Variants in GABRB2 observed in about 807,000 individuals in gnomAD.
GABRB2 encodes the protein gamma-aminobutyric acid type A receptor subunit beta2, also known as gamma-aminobutyric acid receptor subunit beta-2.
A neutral mutation model predicts 54.7 loss-of-function variants in GABRB2; 16 were observed. The ratio of observed to expected loss-of-function variants is 0.29; its 90% CI spans 0.20 to 0.44. The LOEUF (loss-of-function observed/expected upper bound fraction) is 0.44. Among genes scored for constraint, GABRB2 ranks in the 20% least tolerant of loss-of-function variants. GABRB2 has a pLI of 1.00. For missense variants in GABRB2, 355 were observed against 644.0 expected, an observed-to-expected ratio of 0.55 and a Z score of 4.86; for synonymous variants, 244 against 233.8, an observed-to-expected ratio of 1.04 and a Z score of -0.40.
chr5:161,488,135 G>T (rs973473426), intron 3 of GABRB2, among the ~76,000 whole-genome samples: 3 of 151,660 alleles, frequency 2.0e-5, no homozygotes, highest in African/African-American at 7.3e-5. Context: ...CTGCTTCAAG[G>T]GTCAAAATGA....
intron 5 of GABRB2, among the ~76,000 whole-genome samples, chr5:161,344,182 A>T (rs145425029): frequency 5.7e-4 from 87 of 152,222 alleles, no homozygotes; most frequent in African/African-American, 2.0e-3. Context: ...CTCCAGCATT[A>T]AAATATTTTT....
rs570779436 is a variant in GABRB2 at position 161,309,911 on chromosome 5, T to G, written c.1192-15483A>C. On this transcript the variant is annotated intron_variant, in intron 9 of 9. Coordinates refer to ENST00000393959, the MANE Select transcript of GABRB2 (RefSeq NM_001371727.1). Reference sequence around the variant, plus strand: ...CTCCCAAAGTGCTGGGATTACAGGCTTGAGCCACCGCGCCTGGCCCTAAAT... The same window carrying G: ...CTCCCAAAGTGCTGGGATTACAGGCGTGAGCCACCGCGCCTGGCCCTAAAT... 4.0e-5 allele frequency among the ~76,000 whole-genome samples: 6 copies of G among 151,672 alleles called. No individual in the cohort carries two copies. In the South Asian group the frequency reaches 1.2e-3, roughly 32 times the overall value.
intron 5 of GABRB2, among the ~76,000 whole-genome samples, chr5:161,408,849 G>A (rs1561640102): frequency 2.0e-5 from 3 of 151,898 alleles, no homozygotes; most frequent in Non-Finnish European, 2.9e-5. Flanking sequence ...AATGCCTAGG[G>A]TATGATTAAA....
intron 4 of GABRB2, among the ~76,000 whole-genome samples, chr5:161,455,119 G>A (rs1221576085): frequency 2.6e-5 from 4 of 152,192 alleles, no homozygotes. Context: ...CTGAGCAGCT[G>A]GTGTGCATGC....
intron 3 of GABRB2, among the ~76,000 whole-genome samples, chr5:161,509,569 C>G (rs1169994773): frequency 6.6e-6 from 1 of 151,952 alleles, no homozygotes; most frequent in African/African-American, 2.4e-5. Flanking sequence ...GATTTCTGTA[C>G]TCATGGCACT....
At chr5:161,471,755 C>A (rs1394058466) in intron 3 of GABRB2, among the ~76,000 whole-genome samples, 1 of 151,966 alleles carries the variant, frequency 6.6e-6, no homozygotes, top group Non-Finnish European at 1.5e-5. Context: ...GGACTCAGTT[C>A]ACCTTGAGAT....
intron 5 of GABRB2, among the ~76,000 whole-genome samples, chr5:161,388,060 T>C (rs1395476639): frequency 6.6e-6 from 1 of 152,126 alleles, no homozygotes; most frequent in Non-Finnish European, 1.5e-5. Context: ...ACATGTATCT[T>C]TCAATTCCAA....
chr5:161,489,988 T>C (rs2113349877), intron 3 of GABRB2, among the ~76,000 whole-genome samples: 1 of 151,806 alleles, frequency 6.6e-6, no homozygotes, highest in Admixed American at 6.6e-5. Flanking sequence ...ATTTCTGTAG[T>C]TAAGTCAGAA....
Position 161,294,145 on chromosome 5 carries a change from C to A in GABRB2, c.1475G>T (p.Arg492Leu). The A allele has an allele frequency of 6.2e-7, 1 of 1,613,892 alleles. No individual in the cohort carries two copies. Among genetic ancestry groups the A allele is most frequent in the Non-Finnish European group, 8.5e-7 (1 of 1,179,924 alleles). ...GGAAAAAACCACTGGGAAGAATATGCGGGACCACCGATCTATGGCATTCAC... is the reference window on the plus strand; with the variant it reads ...GGAAAAAACCACTGGGAAGAATATGAGGGACCACCGATCTATGGCATTCAC... ...TDVNAIDRWSRIFFPVVFSFF... is the reference protein window; with the variant it reads ...TDVNAIDRWSLIFFPVVFSFF... The change falls in exon 10 of 10, where the codon CGC (arginine) becomes CTC (leucine). Residue 492 changes from arginine to leucine, a missense_variant. Around this residue, in one of 6 missense-constraint regions of GABRB2, gnomAD observed 201 missense variants for 228.1 expected, o/e 0.88. Transcript: ENST00000393959.
intron 5 of GABRB2, among the ~76,000 whole-genome samples, chr5:161,405,273 T>G (rs79418683): frequency 0.01 from 1,567 of 152,166 alleles, 35 homozygotes; most frequent in South Asian, 0.05. Flanking sequence ...ATATTTTGGT[T>G]GTTCTGATTG....
At chr5:161,381,604 G>T (rs1755470977) in intron 5 of GABRB2, among the ~76,000 whole-genome samples, 1 of 152,134 alleles carries the variant, frequency 6.6e-6, no homozygotes, top group African/African-American at 2.4e-5. Context: ...GGGGTGAGTG[G>T]ATATTCAGGG....
chr5:161,354,142 A>G (rs139501955), intron 5 of GABRB2, among the ~76,000 whole-genome samples: 64 of 152,162 alleles, frequency 4.2e-4, no homozygotes, highest in African/African-American at 1.5e-3. Flanking sequence ...CAAATCACCT[A>G]TAGAACCTGC....
At chr5:161,476,758 G>A (rs746246555) in intron 3 of GABRB2, among the ~76,000 whole-genome samples, 1 of 151,822 alleles carries the variant, frequency 6.6e-6, no homozygotes, top group Non-Finnish European at 1.5e-5. Flanking sequence ...ATGAAGTTGG[G>A]CTCTTATTTT....
intron 4 of GABRB2, among the ~76,000 whole-genome samples, chr5:161,450,020 G>A (rs142737739): frequency 3.8e-4 from 58 of 152,160 alleles, no homozygotes; most frequent in African/African-American, 1.3e-3. Context: ...TATCCTCAAT[G>A]GATTTCAATA....
At chr5:161,344,297 T>C (rs1446558730) in intron 5 of GABRB2, among the ~76,000 whole-genome samples, 2 of 152,064 alleles carry the variant, frequency 1.3e-5, no homozygotes, top group Non-Finnish European at 2.9e-5. Flanking sequence ...CAATCACCAA[T>C]AGCAGAAAAT....
intron 5 of GABRB2, among the ~76,000 whole-genome samples, chr5:161,390,649 C>G (rs1211631163): frequency 6.6e-6 from 1 of 152,038 alleles, no homozygotes; most frequent in Non-Finnish European, 1.5e-5. Flanking sequence ...AATCTCTGTA[C>G]TATATTTGCA....
chr5:161,332,355 T>C (rs1386301269), intron 7 of GABRB2, among the ~76,000 whole-genome samples: 1 of 152,074 alleles, frequency 6.6e-6, no homozygotes, highest in African/African-American at 2.4e-5. Context: ...GAAGCAGGAA[T>C]CATAGCCCTC....
intron 4 of GABRB2, among the ~76,000 whole-genome samples, chr5:161,412,454 C>A (rs1333697929): frequency 6.6e-6 from 1 of 152,162 alleles, no homozygotes; most frequent in Non-Finnish European, 1.5e-5. Context: ...TGCCTTACAT[C>A]CAAATCACTG....
chr5:161,546,423 G>A lies in GABRB2; in HGVS notation c.78-10C>T. 1 of 1,610,628 alleles carries A rather than the reference G, an allele frequency of 6.2e-7. No homozygotes were observed. The highest frequency in any genetic ancestry group is 8.5e-7 in the Non-Finnish European group (1 of 1,176,838). ...ACTAGGGTCATTGACACTAAAGAAAGAAATGACAATAAGCAGGCATCAATA... is the reference window on the plus strand; with the variant it reads ...ACTAGGGTCATTGACACTAAAGAAAAAAATGACAATAAGCAGGCATCAATA... On this transcript the variant is annotated splice_polypyrimidine_tract_variant and intron_variant, in intron 1 of 9. Coordinates refer to ENST00000393959, the MANE Select transcript of GABRB2 (RefSeq NM_001371727.1).
Sources: allele counts gnomAD v4.1 joint callset (sites outside exome capture counted in the v4.1 genomes callset), GRCh38; gene constraint gnomAD v4.1.1; regional missense constraint gnomAD v4.1.1; transcripts MANE v1.5; gene names NCBI Gene and HGNC (gene_info 2026-07-23, HGNC 2026-07-21).